The following EIF4G3 variants were observed in gnomAD, a reference collection of about 807,000 sequenced individuals.
EIF4G3 encodes eukaryotic translation initiation factor 4 gamma 3.
A neutral mutation model predicts 186.4 loss-of-function variants in EIF4G3; 34 were observed. That is an observed-to-expected ratio of 0.18 (90% CI 0.14 to 0.24). The LOEUF is 0.24. EIF4G3 is among the 10% of genes least tolerant of loss of function. The pLI is 1.00. For synonymous variants in EIF4G3, 673 were observed against 679.5 expected (o/e 0.99, Z 0.15); for missense variants, 1,536 against 1,948.5 (o/e 0.79, Z 3.99).
intron 3 of EIF4G3, among the ~76,000 whole-genome samples, chr1:21,057,118 T>C (rs1450099547): frequency 6.6e-6 from 1 of 152,198 alleles, no homozygotes; most frequent in Admixed American, 6.5e-5. Context: ...GCTGGTAAGC[T>C]TGGAAACAGT....
At chr1:21,160,765 A>G (rs1052207267) in intron 2 of EIF4G3, among the ~76,000 whole-genome samples, 3 of 152,236 alleles carry the variant, frequency 2.0e-5, no homozygotes, top group African/African-American at 7.2e-5. Flanking sequence ...CCATAAGAGA[A>G]TAAAGAGAAA....
At chr1:20,872,720 T>C (rs1277172164) in intron 20 of EIF4G3, among the ~76,000 whole-genome samples, 1 of 142,030 alleles carries the variant, frequency 7.0e-6, no homozygotes, top group Non-Finnish European at 1.5e-5. Flanking sequence ...TGCCTTTTTT[T>C]TTTTTTTTTT....
intron 12 of EIF4G3, among the ~76,000 whole-genome samples, chr1:20,958,534 G>C (rs2096492604): frequency 6.6e-6 from 1 of 152,114 alleles, no homozygotes; most frequent in South Asian, 2.1e-4. Context: ...ACATAGTTTT[G>C]GAAGTCCTAG....
At chr1:21,021,346 C>T (rs10465530) in intron 4 of EIF4G3, among the ~76,000 whole-genome samples, 143,585 of 152,206 alleles carry the variant, frequency 0.94, 68,280 homozygotes, top group Middle Eastern at 1. Context: ...TTAAAGTTTA[C>T]ATGCTACAAA....
intron 2 of EIF4G3, among the ~76,000 whole-genome samples, chr1:21,151,502 T>C (rs1183304924): frequency 6.6e-6 from 1 of 152,040 alleles, no homozygotes; most frequent in Non-Finnish European, 1.5e-5. Context: ...CCTCACAAAG[T>C]GCTGGGATTA....
At chr1:20,997,802 C>G (rs956910021) in intron 6 of EIF4G3, among the ~76,000 whole-genome samples, 169 bp from the exon 7 acceptor site, 5 of 151,658 alleles carry the variant, frequency 3.3e-5, no homozygotes, top group Non-Finnish European at 5.9e-5. Flanking sequence ...CAGTGACAGA[C>G]AGGTACTAAG....
At chr1:20,953,997 T>C (rs934035448) in intron 12 of EIF4G3, among the ~76,000 whole-genome samples, 1 of 152,140 alleles carries the variant, frequency 6.6e-6, no homozygotes, top group Non-Finnish European at 1.5e-5. Flanking sequence ...GGCTGCAAAG[T>C]CTAAAATATT....
At chr1:21,005,387 G>C (rs2084773276) in intron 4 of EIF4G3, among the ~76,000 whole-genome samples, 1 of 152,036 alleles carries the variant, frequency 6.6e-6, no homozygotes, top group South Asian at 2.1e-4. Context: ...TCTGAAGCAG[G>C]AGTTTCTAGC....
chr1:20,927,301 A>G (rs1220684221), intron 14 of EIF4G3, among the ~76,000 whole-genome samples: 2 of 152,228 alleles, frequency 1.3e-5, no homozygotes, highest in Non-Finnish European at 2.9e-5. Context: ...CAGGTGTGGG[A>G]GATTTGCAAA....
intron 4 of EIF4G3, among the ~76,000 whole-genome samples, chr1:21,041,771 A>C (rs768201009): frequency 1.3e-5 from 2 of 152,236 alleles, no homozygotes; most frequent in Non-Finnish European, 2.9e-5. Flanking sequence ...GAACACACAC[A>C]CAAGGGAGAC....
At chr1:21,044,225 C>CT (rs1185549693) in intron 4 of EIF4G3, among the ~76,000 whole-genome samples, 2 of 151,828 alleles carry the variant, frequency 1.3e-5, no homozygotes, top group Admixed American at 6.6e-5. Flanking sequence ...TAAAAATCTA[C>CT]TTTTTTTTAA....
chr1:20,950,900 A>G (rs2096184007), intron 12 of EIF4G3, among the ~76,000 whole-genome samples: 1 of 152,186 alleles, frequency 6.6e-6, no homozygotes. Context: ...ATTCTACATC[A>G]CATTCTAGGC....
chr1:20,943,970 TTTTTTGTGTGTGTGTGTGTGTGTG>T lies in EIF4G3; in HGVS notation c.824-1664_824-1641del, dbSNP rs1265503700. ...TATTTCAGGAAAACTTGTCTTTATT[TTTTTTGTGTGTGTGTGTGTGTGTG>T]TGTGTGTGTGTGTGTGTGTGTGTGT... On this transcript the variant is annotated intron_variant, in intron 13 of 36. Transcript: ENST00000602326. Among the ~76,000 whole-genome samples, 159 of 80,386 alleles carry T rather than the reference TTTTTTGTGTGTGTGTGTGTGTGTG, an allele frequency of 2.0e-3. 4 individuals carry two copies. The highest frequency in any genetic ancestry group is 6.8e-3 in the Middle Eastern group (1 of 146). The allele number at this position is 80,386 out of a possible 152,430, so 52.7% of individuals were successfully genotyped here. A position where few individuals can be genotyped will look rare whatever the true frequency, so the allele number is the denominator to read the frequency against.
At chr1:20,818,293 G>A (rs1475781382) in intron 33 of EIF4G3, among the ~76,000 whole-genome samples, 1 of 152,112 alleles carries the variant, frequency 6.6e-6, no homozygotes, top group Admixed American at 6.6e-5. Flanking sequence ...TCGAATATAG[G>A]TGTGAGAAAT....
chr1:21,095,512 T>C (rs1182346794), intron 2 of EIF4G3, among the ~76,000 whole-genome samples: 2 of 152,100 alleles, frequency 1.3e-5, no homozygotes, highest in Admixed American at 6.6e-5. Flanking sequence ...GGTGTCTCCC[T>C]ATATTGCCCA....
In EIF4G3 at chr1:20,860,439, G is replaced by T. The variant is rs1366544893; in HGVS notation, c.3190C>A (p.Gln1064Lys). 1 of 1,613,766 alleles carries T rather than the reference G, an allele frequency of 6.2e-7. No homozygotes were observed. The highest frequency in any genetic ancestry group is 8.5e-7 in the Non-Finnish European group (1 of 1,179,964). Reference protein sequence around the residue: ...QIHKEAKIEEQEEQRKVQQLM... With the variant: ...QIHKEAKIEEKEEQRKVQQLM... The stretch of plus-strand genomic sequence containing the variant: ...TGCTGGACCTTCCTTTGCTCTTCTT[G>T]TTCTTCTATTTTAGCCTCTTTGTGA... Residue 1064 changes from glutamine to lysine, a missense_variant, in exon 24 of 37, where the codon CAA becomes AAA. Physicochemically the swap from Gln to Lys is moderately conservative, Grantham distance 53. This residue lies in a region of EIF4G3 where 110 missense variants were observed against 166.2 expected (regional missense o/e 0.66). Coordinates refer to ENST00000602326, the MANE Select transcript of EIF4G3 (RefSeq NM_001391906.1).
intron 2 of EIF4G3, among the ~76,000 whole-genome samples, chr1:21,094,390 T>C (rs1343039859): frequency 2.0e-5 from 3 of 151,888 alleles, no homozygotes; most frequent in African/African-American, 7.3e-5. Flanking sequence ...AATGATAGAC[T>C]GGATTAAGAA....
At chr1:20,849,151 A>C (rs1269913110) in intron 29 of EIF4G3, among the ~76,000 whole-genome samples, 1 of 151,954 alleles carries the variant, frequency 6.6e-6, no homozygotes, top group East Asian at 1.9e-4. Flanking sequence ...TTAATATAGA[A>C]ATCAATTTGG....
chr1:20,924,799 T>A (rs1264726230), intron 14 of EIF4G3, among the ~76,000 whole-genome samples: 1 of 152,182 alleles, frequency 6.6e-6, no homozygotes, highest in Non-Finnish European at 1.5e-5. Context: ...TGACCTCAGG[T>A]GATCTGCCCA....
Sources: allele counts gnomAD v4.1 joint callset (sites outside exome capture counted in the v4.1 genomes callset), GRCh38; gene constraint gnomAD v4.1.1; regional missense constraint gnomAD v4.1.1; transcripts MANE v1.5; gene names NCBI Gene and HGNC (gene_info 2026-07-23, HGNC 2026-07-21).